DLG2: variants seen among roughly 807,000 people sequenced by gnomAD.
DLG2 encodes the protein disks large homolog 2.
A neutral mutation model predicts 132.5 loss-of-function variants in DLG2; 45 were observed. The ratio of observed to expected loss-of-function variants is 0.34; its 90% CI spans 0.27 to 0.44. The LOEUF (loss-of-function observed/expected upper bound fraction) is 0.44, where lower values mean the gene tolerates loss of function less well. Ranked by LOEUF, DLG2 falls within the 20% of genes least tolerant of loss-of-function variation. DLG2 has a pLI of 1.00. For missense variants in DLG2, 1,045 were observed against 1,196.9 expected (o/e 0.87, Z 1.87); for synonymous variants, 424 against 419.6 (o/e 1.01, Z -0.13).
At chr11:85,506,193 G>A (rs771913974) in intron 3 of DLG2, among the ~76,000 whole-genome samples, 10 of 152,008 alleles carry the variant, frequency 6.6e-5, no homozygotes, top group Non-Finnish European at 1.5e-4. Flanking sequence ...TTTTTTGAAG[G>A]GTTTTTTGTA....
intron 7 of DLG2, among the ~76,000 whole-genome samples, chr11:84,367,810 T>C (rs1220931246): frequency 6.6e-6 from 1 of 152,072 alleles, no homozygotes; most frequent in Non-Finnish European, 1.5e-5. Context: ...CCTTAACGAA[T>C]AAATTTATTT....
intron 11 of DLG2, among the ~76,000 whole-genome samples, chr11:83,983,304 G>T (rs1437269456): frequency 1.3e-5 from 2 of 151,742 alleles, no homozygotes; most frequent in Non-Finnish European, 2.9e-5. Context: ...ATTAATCAAG[G>T]GCCTTTTGAC....
chr11:84,765,315 A>G (rs2068251710), intron 6 of DLG2, among the ~76,000 whole-genome samples: 1 of 152,052 alleles, frequency 6.6e-6, no homozygotes, highest in Admixed American at 6.6e-5. Flanking sequence ...TTTTTGTCTT[A>G]GCAGGCTGAG....
At chr11:83,675,596 T>A (rs1592241957) in intron 18 of DLG2, among the ~76,000 whole-genome samples, 1 of 152,200 alleles carries the variant, frequency 6.6e-6, no homozygotes, top group East Asian at 1.9e-4. Context: ...TGTATCCACA[T>A]TGTAAAGAAT....
chr11:85,498,164 T>C (rs2093711963), intron 3 of DLG2, among the ~76,000 whole-genome samples: 1 of 152,088 alleles, frequency 6.6e-6, no homozygotes, highest in African/African-American at 2.4e-5. Flanking sequence ...GAACCATCAG[T>C]GTGCTATATT....
intron 11 of DLG2, among the ~76,000 whole-genome samples, chr11:84,027,077 A>G (rs943439135): frequency 6.6e-6 from 1 of 152,038 alleles, no homozygotes; most frequent in Non-Finnish European, 1.5e-5. Flanking sequence ...CCCCAGCTAC[A>G]GGGATGGCCA....
intron 7 of DLG2, among the ~76,000 whole-genome samples, chr11:84,531,560 GA>G (rs1379204648): frequency 6.6e-5 from 10 of 152,084 alleles, no homozygotes; most frequent in Non-Finnish European, 1.2e-4. Flanking sequence ...AGGTCATGAT[GA>G]AAAAAATCCT....
intron 10 of DLG2, among the ~76,000 whole-genome samples, chr11:84,091,670 T>C (rs1342706684): frequency 6.6e-6 from 1 of 152,210 alleles, no homozygotes; most frequent in Non-Finnish European, 1.5e-5. Flanking sequence ...CACAAATTAA[T>C]CAGTTTAAGA....
intron 15 of DLG2, among the ~76,000 whole-genome samples, chr11:83,917,602 A>G (rs2077130046): frequency 6.6e-6 from 1 of 152,200 alleles, no homozygotes; most frequent in African/African-American, 2.4e-5. Flanking sequence ...GAGAACAAGG[A>G]TGAAATCTGA....
chr11:85,296,277 A>T (rs1360654469), intron 3 of DLG2, among the ~76,000 whole-genome samples: 1 of 152,136 alleles, frequency 6.6e-6, no homozygotes, highest in Non-Finnish European at 1.5e-5. Flanking sequence ...CCAATTAAAC[A>T]ACTCATATAA....
chr11:85,481,103 T>C (rs1413068325), intron 3 of DLG2, among the ~76,000 whole-genome samples: 3 of 152,224 alleles, frequency 2.0e-5, no homozygotes, highest in Non-Finnish European at 2.9e-5. Context: ...CCTCACTTTC[T>C]TCATATGTAA....
intron 16 of DLG2, among the ~76,000 whole-genome samples, chr11:83,859,599 C>T (rs1469002136): frequency 1.3e-5 from 2 of 152,076 alleles, no homozygotes; most frequent in Non-Finnish European, 2.9e-5. Context: ...TTTTAAAAGG[C>T]AGAGCATAAA....
At chr11:83,660,656 CTA>C (rs564617114) in intron 18 of DLG2, among the ~76,000 whole-genome samples, 93 of 152,034 alleles carry the variant, frequency 6.1e-4, no homozygotes, top group Middle Eastern at 6.8e-3. Context: ...GCCCATGTGA[CTA>C]TAGATAAAGT....
At chr11:84,920,352 G>T (rs756301528) in intron 6 of DLG2, among the ~76,000 whole-genome samples, 1 of 152,128 alleles carries the variant, frequency 6.6e-6, no homozygotes, top group Non-Finnish European at 1.5e-5. Context: ...CAAGATGCTT[G>T]GCAGAAGTCC....
intron 19 of DLG2, among the ~76,000 whole-genome samples, chr11:83,589,433 C>G (rs1479281286): frequency 6.6e-6 from 1 of 151,372 alleles, no homozygotes; most frequent in Admixed American, 6.6e-5. Flanking sequence ...TACAGACAAG[C>G]AAATGCTGAG....
chr11:85,385,350 G>C (rs1425244149), intron 3 of DLG2, among the ~76,000 whole-genome samples: 1 of 152,192 alleles, frequency 6.6e-6, no homozygotes, highest in Non-Finnish European at 1.5e-5. Flanking sequence ...TCGTGGAAGG[G>C]TAGAAGGAGC....
intron 4 of DLG2, among the ~76,000 whole-genome samples, chr11:85,263,959 C>T (rs1484255974): frequency 6.6e-6 from 1 of 152,162 alleles, no homozygotes; most frequent in Non-Finnish European, 1.5e-5. Flanking sequence ...AGAGAAGGGG[C>T]TGTCTGCAAA....
intron 13 of DLG2, 78 bp downstream of exon 13, chr11:83,965,246 G>T: frequency 6.9e-7 from 1 of 1,452,888 alleles, no homozygotes. Context: ...GGTACAAGTA[G>T]AACACTTTGT....
intron 6 of DLG2, among the ~76,000 whole-genome samples, chr11:84,893,320 T>C (rs976490408): frequency 3.5e-4 from 53 of 152,166 alleles, no homozygotes; most frequent in Non-Finnish European, 2.6e-4. Flanking sequence ...CCTAGATATG[T>C]GCCTAATTCA....
Sources: allele counts gnomAD v4.1 joint callset (sites outside exome capture counted in the v4.1 genomes callset), GRCh38; gene constraint gnomAD v4.1.1; transcripts MANE v1.5; gene names NCBI Gene and HGNC (gene_info 2026-07-23, HGNC 2026-07-21).